The following UBE2J1 variants were observed in gnomAD, a reference collection of about 807,000 sequenced individuals.
UBE2J1 encodes the protein ubiquitin-conjugating enzyme E2 J1.
A neutral mutation model predicts 42.1 loss-of-function variants in UBE2J1; 17 were observed. The observed-to-expected ratio is 0.40, with a 90% CI of 0.28 to 0.61. The LOEUF (loss-of-function observed/expected upper bound fraction) is 0.61. Among genes scored for constraint, UBE2J1 ranks in the 20% least tolerant of loss-of-function variants. The pLI, the probability that UBE2J1 is intolerant of heterozygous loss-of-function variation, is 0.38. For missense variants in UBE2J1, 291 were observed against 389.4 expected, an observed-to-expected ratio of 0.75 and a Z score of 2.13; for synonymous variants, 127 against 137.2, an observed-to-expected ratio of 0.93 and a Z score of 0.52.
At chr6:89,332,175 C>T (rs1377664099) in intron 7 of UBE2J1, among the ~76,000 whole-genome samples, 2 of 152,102 alleles carry the variant, frequency 1.3e-5, no homozygotes, top group Admixed American at 6.6e-5. Context: ...TTTTCCCTCA[C>T]CCTTTAAAGT....
At chr6:89,335,725 A>G (rs1187119380) in intron 5 of UBE2J1, among the ~76,000 whole-genome samples, 2 of 152,222 alleles carry the variant, frequency 1.3e-5, no homozygotes, top group Non-Finnish European at 2.9e-5. Context: ...TGTCTATTAT[A>G]CTGTCCTTGA....
chr6:89,338,460 A>C lies in UBE2J1; in HGVS notation c.321T>G (p.Ser107Arg). ...HHPETWQPSWSIRTALLAIIG... is the reference protein window; with the variant it reads ...HHPETWQPSWRIRTALLAIIG... ...TATTCACTATAAATTAACACTTACTACTCCACGAAGGCTGCCAAGTTTCAG... is the reference window on the plus strand; with the variant it reads ...TATTCACTATAAATTAACACTTACTCCTCCACGAAGGCTGCCAAGTTTCAG... Residue 107 changes from serine (S) to arginine (R), a missense_variant and splice_region_variant, in exon 4 of 8, where the codon AGT becomes AGG. Ser to Arg is a moderately radical substitution (Grantham distance 110). Transcript: ENST00000435041. 1 of 1,609,740 alleles carries C rather than the reference A, an allele frequency of 6.2e-7. No homozygotes were observed. Among genetic ancestry groups the C allele is most frequent in the Non-Finnish European group, 8.5e-7 (1 of 1,178,072 alleles).
chr6:89,337,941 A>T, intron 5 of UBE2J1, among the ~76,000 whole-genome samples: 1 of 152,218 alleles, frequency 6.6e-6, no homozygotes, highest in East Asian at 1.9e-4. Flanking sequence ...CCAGGAGAAT[A>T]TATCTCCCAC....
At position 89,329,727 on chromosome 6, in the gene UBE2J1, G is replaced by A; in HGVS notation, c.909C>T (p.Phe303=). The A allele has an allele frequency of 6.2e-7, 1 of 1,614,114 alleles. No homozygotes were observed. Among genetic ancestry groups the A allele is most frequent in the Non-Finnish European group, 8.5e-7 (1 of 1,179,994 alleles). ...ATTCGTTTGCCAGATATATTCGTCG[G>A]AATATAAGAGCTGCCAATGCCAAAG... ...ILTLALAALI[F]RRIYLANEYI... is the part of the protein sequence containing the mutation. The change falls in exon 8 of 8, where the codon TTC becomes TTT. Residue 303 remains phenylalanine, a synonymous_variant. Transcript: ENST00000435041.
chr6:89,350,589 G>T (rs1025522782), intron 1 of UBE2J1, among the ~76,000 whole-genome samples: 1 of 145,308 alleles, frequency 6.9e-6, no homozygotes, highest in African/African-American at 2.5e-5. Context: ...GAAGCATTGT[G>T]TTTTTTTTTT....
chr6:89,349,178 A>G (rs1768417555), intron 1 of UBE2J1, among the ~76,000 whole-genome samples: 2 of 152,182 alleles, frequency 1.3e-5, no homozygotes, highest in Non-Finnish European at 2.9e-5. Context: ...TTGAGGCTGT[A>G]GTGAGCTGTG....
intron 6 of UBE2J1, among the ~76,000 whole-genome samples, chr6:89,334,793 A>G (rs537049220): frequency 9.2e-5 from 14 of 152,248 alleles, no homozygotes; most frequent in Admixed American, 8.5e-4. Flanking sequence ...TTGCTTATCT[A>G]TATATTCTGT....
At position 89,352,648 on chromosome 6, in the gene UBE2J1, C is replaced by A. The variant is rs1768510744; in HGVS notation, c.-79G>T. 6.9e-7 allele frequency: 1 copy of A among 1,443,182 alleles called. No individual in the cohort carries two copies. The highest frequency in any genetic ancestry group is 2.4e-5 in the Admixed American group (1 of 42,080). The allele number at this position is 1,443,182 out of a possible 1,614,324, so 89.4% of individuals were successfully genotyped here. A position where few individuals can be genotyped will look rare whatever the true frequency, so the allele number is the denominator to read the frequency against. ...CGCGGCCGCTGCCCGGGTCTCAGCGCGGCTCGGGCGGACGGGGCCTGGCCG... is the reference window on the plus strand; with the variant it reads ...CGCGGCCGCTGCCCGGGTCTCAGCGAGGCTCGGGCGGACGGGGCCTGGCCG... On this transcript the variant is annotated 5_prime_UTR_variant, in exon 1 of 8. Transcript: ENST00000435041.
rs760640750 is a variant in UBE2J1 at position 89,329,961 on chromosome 6, G to C, written c.679-4C>G. 1 of 1,613,130 alleles carries C rather than the reference G, an allele frequency of 6.2e-7. No homozygotes were observed. Among genetic ancestry groups the C allele is most frequent in the Non-Finnish European group, 8.5e-7 (1 of 1,179,690 alleles). ...CTGAGGAATTCTGGAGTCCGTACTA[G>C]GAAATTTTAAGAAACTTTGTTTGAA... On this transcript the variant is annotated splice_polypyrimidine_tract_variant and splice_region_variant and intron_variant, in intron 7 of 7. Coordinates refer to ENST00000435041, the MANE Select transcript of UBE2J1 (RefSeq NM_016021.3).
intron 5 of UBE2J1, among the ~76,000 whole-genome samples, chr6:89,336,172 A>G (rs1562414341): frequency 1.3e-5 from 2 of 152,230 alleles, no homozygotes; most frequent in African/African-American, 2.4e-5. Context: ...ATTGTTTTTC[A>G]TAGTACTTCT....
At position 89,328,538 on chromosome 6, in the gene UBE2J1, G is replaced by A. The variant is rs946650218; in HGVS notation, c.*1141C>T. 6.6e-6 allele frequency: 1 copy of A among 152,172 alleles called. No individual in the cohort carries two copies. Among genetic ancestry groups the A allele is most frequent in the Non-Finnish European group, 1.5e-5 (1 of 68,032 alleles). 9.4% of individuals were successfully genotyped at this position (152,172 alleles called of 1,614,324 possible). On this transcript the variant is annotated 3_prime_UTR_variant, in exon 8 of 8. Transcript: ENST00000435041. Reference sequence around the variant, plus strand: ...CCCTCAAGAGTGCCCTCAGTGCTGCGAACTGAACATGCTGAAGGCAATGTT... The same window carrying A: ...CCCTCAAGAGTGCCCTCAGTGCTGCAAACTGAACATGCTGAAGGCAATGTT...
chr6:89,340,722 G>GT (rs1768227902), intron 3 of UBE2J1, among the ~76,000 whole-genome samples: 1 of 151,692 alleles, frequency 6.6e-6, no homozygotes, highest in Non-Finnish European at 1.5e-5. Context: ...CAAAATAGAG[G>GT]TAAAAGCAGC....
rs112892732 is a variant in UBE2J1 at position 89,333,120 on chromosome 6, G to A, written c.644C>T (p.Pro215Leu). ...FSLTDLQDDI[P>L]TTFQGATAST... Reference sequence around the variant, plus strand: ...GGCCGTAGCACCCTGGAATGTTGTAGGTATATCATCTTGTAAATCAGTTAG... The same window carrying A: ...GGCCGTAGCACCCTGGAATGTTGTAAGTATATCATCTTGTAAATCAGTTAG... The change falls in exon 7 of 8, where the codon CCT becomes CTT. Residue 215 changes from proline (P) to leucine (L), a missense_variant. Coordinates refer to ENST00000435041, the MANE Select transcript of UBE2J1 (RefSeq NM_016021.3). 4 of 1,612,742 alleles carry A rather than the reference G, an allele frequency of 2.5e-6. No homozygotes were observed. The highest frequency in any genetic ancestry group is 1.7e-6 in the Non-Finnish European group (2 of 1,179,308).
intron 1 of UBE2J1, among the ~76,000 whole-genome samples, chr6:89,348,526 C>G (rs1436804393): frequency 6.6e-6 from 1 of 152,192 alleles, no homozygotes; most frequent in Non-Finnish European, 1.5e-5. Context: ...CCCTAACTGC[C>G]TCTTCCTGCT....
intron 5 of UBE2J1, 58 bp downstream of exon 5, chr6:89,338,147 A>G: frequency 8.1e-7 from 1 of 1,241,508 alleles, no homozygotes; most frequent in Admixed American, 2.0e-5. Flanking sequence ...CCTACCTCCT[A>G]ATAGCCATTA....
rs913054068 is a variant in UBE2J1 at position 89,326,707 on chromosome 6, G to C, written c.*2972C>G. 6.6e-6 allele frequency: 1 copy of C among 152,172 alleles called. No homozygotes were observed. The highest frequency in any genetic ancestry group is 2.4e-5 in the African/African-American group (1 of 41,434). The allele number at this position is 152,172 out of a possible 1,614,324, so 9.4% of individuals were successfully genotyped here. On this transcript the variant is annotated 3_prime_UTR_variant, in exon 8 of 8. Transcript: ENST00000435041. ...TCAGAAGGCGTTCCCAACAGCTTTT[G>C]AGCAATGCACAGCCTCCCATAAAAC...
intron 3 of UBE2J1, among the ~76,000 whole-genome samples, chr6:89,340,406 C>A (rs184690821): frequency 2.6e-5 from 4 of 152,314 alleles, no homozygotes; most frequent in African/African-American, 7.2e-5. Flanking sequence ...TCCCCGAAGA[C>A]CACTTAGCTC....
chr6:89,332,333 A>T lies in UBE2J1; in HGVS notation c.678+753T>A, dbSNP rs1768024778. On this transcript the variant is annotated intron_variant, in intron 7 of 7. Transcript: ENST00000435041. ...CCATAATCCTTATTTTTTGGCACCA[A>T]TCCAGTCATATTTTTTAAATCACTC... Among the ~76,000 whole-genome samples, 3 of 152,182 alleles carry T rather than the reference A, an allele frequency of 2.0e-5. No homozygotes were observed. The South Asian group carries it at 6.2e-4, about 31-fold the overall frequency.
intron 1 of UBE2J1, among the ~76,000 whole-genome samples, chr6:89,348,406 G>GTA (rs1768403239): frequency 1.3e-5 from 2 of 152,132 alleles, no homozygotes; most frequent in African/African-American, 2.4e-5. Context: ...TCTTCTACAG[G>GTA]CCACTGCTTC....
Sources: allele counts gnomAD v4.1 joint callset (sites outside exome capture counted in the v4.1 genomes callset), GRCh38; gene constraint gnomAD v4.1.1; transcripts MANE v1.5; gene names NCBI Gene and HGNC (gene_info 2026-07-23, HGNC 2026-07-21).